RNF220: variants seen among roughly 807,000 people sequenced by gnomAD.
RNF220 encodes the protein ring finger protein 220, also known as E3 ubiquitin-protein ligase RNF220.
A neutral mutation model predicts 67.1 loss-of-function variants in RNF220; 7 were observed. The observed-to-expected ratio is 0.10, with a 90% CI of 0.06 to 0.20. RNF220 has a LOEUF of 0.20. Ranked by LOEUF, RNF220 falls within the 10% of genes least tolerant of loss-of-function variation. The pLI is 1.00. For synonymous variants in RNF220, 270 were observed against 283.2 expected (o/e 0.95, Z 0.47); for missense variants, 565 against 740.3 (o/e 0.76, Z 2.75).
intron 2 of RNF220, among the ~76,000 whole-genome samples, chr1:44,556,604 GGC>G (rs199972841): frequency 0.035 from 5,310 of 150,678 alleles, 303 homozygotes; most frequent in African/African-American, 0.11. Flanking sequence ...CTGTCACCCA[GGC>G]TGGAGTGCAG....
Position 44,566,474 on chromosome 1 carries a change from G to A in RNF220, c.626-47691G>A, listed in dbSNP as rs184479003. Among the ~76,000 whole-genome samples, 264 of 149,514 alleles carry A rather than the reference G, an allele frequency of 1.8e-3. 2 individuals are homozygous for A. The highest frequency in any genetic ancestry group is 3.1e-3 in the South Asian group (15 of 4,766). On this transcript the variant is annotated intron_variant, in intron 2 of 14. Coordinates refer to ENST00000361799, the MANE Select transcript of RNF220 (RefSeq NM_018150.4). ...GACCAGAAGACAGGCTCTGGAGCTG[G>A]GGGTCTCCATCCTGGCTGTCAGAGT...
At chr1:44,528,582 A>G (rs149575522) in intron 2 of RNF220, among the ~76,000 whole-genome samples, 382 of 148,252 alleles carry the variant, frequency 2.6e-3, no homozygotes, top group African/African-American at 8.8e-3. Context: ...TTACAGGCGT[A>G]AGCCACTGCG....
chr1:44,549,548 T>A (rs774911098), intron 2 of RNF220, among the ~76,000 whole-genome samples: 6 of 152,132 alleles, frequency 3.9e-5, no homozygotes, highest in Non-Finnish European at 5.9e-5. Flanking sequence ...GCCTTGGAAC[T>A]CCCTCTCTCT....
At chr1:44,550,393 G>C (rs1412639243) in intron 2 of RNF220, among the ~76,000 whole-genome samples, 1 of 152,202 alleles carries the variant, frequency 6.6e-6, no homozygotes, top group Non-Finnish European at 1.5e-5. Flanking sequence ...AGCTGGGAAG[G>C]CTGTTGAGTA....
At chr1:44,414,503 GA>G (rs948285681) in intron 2 of RNF220, among the ~76,000 whole-genome samples, 4 of 152,132 alleles carry the variant, frequency 2.6e-5, no homozygotes, top group African/African-American at 9.7e-5. Flanking sequence ...AGAGCAGGAG[GA>G]AGCTTGTTAG....
intron 2 of RNF220, among the ~76,000 whole-genome samples, chr1:44,574,258 G>C (rs1363973214): frequency 6.6e-6 from 1 of 152,216 alleles, no homozygotes; most frequent in African/African-American, 2.4e-5. Flanking sequence ...GCCCTCTGGA[G>C]TGCCTTTTCC....
chr1:44,412,011 T>C lies in RNF220; in HGVS notation c.-87T>C. 1 of 1,446,334 alleles carries C rather than the reference T, an allele frequency of 6.9e-7. No homozygotes were observed. The highest frequency in any genetic ancestry group is 1.4e-5 in the African/African-American group (1 of 70,530). 89.6% of individuals were successfully genotyped at this position (1,446,334 alleles called of 1,614,324 possible). On this transcript the variant is annotated 5_prime_UTR_variant, in exon 2 of 15. Coordinates refer to ENST00000361799, the MANE Select transcript of RNF220 (RefSeq NM_018150.4). The surrounding 1 kb of genome is among the most constrained non-coding windows in gnomAD (Gnocchi z 5.3). The stretch of plus-strand genomic sequence containing the variant: ...AGGAGGGAATGATTCCCCAGTAATA[T>C]TCCCTGCCCTGACCCAAAGTGCTGG...
In RNF220 at chr1:44,557,165, A is replaced by G. The variant is rs12132308; in HGVS notation, c.626-57000A>G. Among the ~76,000 whole-genome samples the G allele has an allele frequency of 3.7e-3, 536 of 145,760 alleles. 3 individuals are homozygous for G. The highest frequency in any genetic ancestry group is 4.4e-3 in the Non-Finnish European group (295 of 66,930). On this transcript the variant is annotated intron_variant, in intron 2 of 14. Coordinates refer to ENST00000361799, the MANE Select transcript of RNF220 (RefSeq NM_018150.4). ...ACGTATGTATATATAATATATATACATATGTATATATTAATATATAATATA... is the reference window on the plus strand; with the variant it reads ...ACGTATGTATATATAATATATATACGTATGTATATATTAATATATAATATA...
chr1:44,626,118 T>G (rs1329689846), intron 4 of RNF220, among the ~76,000 whole-genome samples, 179 bp from the exon 5 acceptor site: 1 of 152,098 alleles, frequency 6.6e-6, no homozygotes, highest in African/African-American at 2.4e-5. Context: ...AGCCATGCTC[T>G]CCCACAACCA....
At chr1:44,544,981 G>A (rs1662002202) in intron 2 of RNF220, among the ~76,000 whole-genome samples, 1 of 152,256 alleles carries the variant, frequency 6.6e-6, no homozygotes, top group East Asian at 1.9e-4. Flanking sequence ...TATTGAGCAT[G>A]TACCAAGTGT....
At chr1:44,612,544 T>A (rs907515740) in intron 2 of RNF220, among the ~76,000 whole-genome samples, 12 of 152,196 alleles carry the variant, frequency 7.9e-5, no homozygotes, top group African/African-American at 2.9e-4. Context: ...GGAGCCGTAA[T>A]CATCCTCAGT....
At chr1:44,643,631 A>T (rs1644549992) in intron 8 of RNF220, 1 of 152,158 alleles carries the variant, frequency 6.6e-6, no homozygotes, top group Non-Finnish European at 1.5e-5. Flanking sequence ...GAAAGAGTGG[A>T]CAAGCAGAAA....
intron 2 of RNF220, among the ~76,000 whole-genome samples, chr1:44,607,209 C>T (rs1014932183): frequency 6.6e-6 from 1 of 152,144 alleles, no homozygotes; most frequent in Non-Finnish European, 1.5e-5. Flanking sequence ...TTGCTCTTGC[C>T]CCTTAGACCA....
chr1:44,499,994 CTCCATCTCTACCACAT>C lies in RNF220; in HGVS notation c.625+87273_625+87288del, dbSNP rs999768466. Among the ~76,000 whole-genome samples the C allele has an allele frequency of 7.4e-4, 88 of 119,410 alleles. 1 individual carries two copies. The highest frequency in any genetic ancestry group is 7.0e-3 in the South Asian group (28 of 4,002). The allele number at this position is 119,410 out of a possible 152,430, so 78.3% of individuals were successfully genotyped here. The stretch of plus-strand genomic sequence containing the variant: ...TTGGTTCCCAAATCTGACAGCTTCT[CTCCATCTCTACCACAT>C]GACCCTGGACCAAGCCACTACTACT... On this transcript the variant is annotated intron_variant, in intron 2 of 14. Coordinates refer to ENST00000361799, the MANE Select transcript of RNF220 (RefSeq NM_018150.4).
intron 5 of RNF220, chr1:44,627,132 G>C (rs1289406910): frequency 6.7e-6 from 1 of 149,946 alleles, no homozygotes; most frequent in African/African-American, 2.5e-5. Flanking sequence ...GGATCACGAG[G>C]TCAGCAATTG....
intron 5 of RNF220, chr1:44,631,756 C>T: frequency 3.1e-6 from 1 of 318,810 alleles, no homozygotes; most frequent in Non-Finnish European, 4.5e-6. Context: ...GAAGGAGCCC[C>T]GCAGCGGGAG....
intron 2 of RNF220, among the ~76,000 whole-genome samples, chr1:44,505,157 T>A (rs1658299168): frequency 6.6e-6 from 1 of 152,226 alleles, no homozygotes; most frequent in Non-Finnish European, 1.5e-5. Flanking sequence ...ACACAGCTTC[T>A]AAGTGGCAGT....
At chr1:44,416,194 G>A (rs753621682) in intron 2 of RNF220, among the ~76,000 whole-genome samples, 4 of 152,196 alleles carry the variant, frequency 2.6e-5, no homozygotes, top group Non-Finnish European at 4.4e-5. Flanking sequence ...ATTCATGGAG[G>A]ATGCATAATT....
intron 8 of RNF220, among the ~76,000 whole-genome samples, chr1:44,639,760 CTCT>C (rs1243078923): frequency 2.0e-5 from 3 of 152,084 alleles, no homozygotes; most frequent in African/African-American, 4.8e-5. Context: ...CAAATCTTTT[CTCT>C]TCTTTTCTTT....
Sources: gnomAD v4.1 joint callset for allele counts (sites outside exome capture counted in the v4.1 genomes callset) on GRCh38, gnomAD v4.1.1 for gene constraint, Gnocchi (gnomAD v3.1) non-coding constraint, MANE v1.5 for transcripts, NCBI Gene and HGNC (gene_info 2026-07-23, HGNC 2026-07-21) for gene names.